The following CACNB4 variants were observed in gnomAD, a reference collection of about 807,000 sequenced individuals.
The protein encoded by CACNB4 is calcium voltage-gated channel auxiliary subunit beta 4.
A neutral mutation model predicts 71.2 loss-of-function variants in CACNB4; 32 were observed. That is an observed-to-expected ratio of 0.45 (90% CI 0.34 to 0.60). CACNB4 has a LOEUF of 0.60. CACNB4 is among the 20% of genes least tolerant of loss of function. The pLI is 0.01. For missense variants in CACNB4, 464 were observed against 647.9 expected (o/e 0.72, Z 3.08); for synonymous variants, 231 against 236.9 (o/e 0.97, Z 0.23).
intron 4 of CACNB4, among the ~76,000 whole-genome samples, chr2:151,879,145 A>C (rs554513578): frequency 7.2e-5 from 11 of 152,326 alleles, no homozygotes; most frequent in Admixed American, 3.3e-4. Context: ...ACAGACCATG[A>C]GTCATAGTTT....
intron 12 of CACNB4, among the ~76,000 whole-genome samples, chr2:151,848,950 A>T (rs1027698112): frequency 4.6e-5 from 7 of 152,170 alleles, no homozygotes; most frequent in African/African-American, 1.2e-4. Flanking sequence ...AAAAAGAAAT[A>T]AAAAAATGTA....
chr2:152,011,899 T>C (rs1304874711), intron 2 of CACNB4, among the ~76,000 whole-genome samples: 1 of 152,164 alleles, frequency 6.6e-6, no homozygotes, highest in East Asian at 1.9e-4. Flanking sequence ...TGTCCTAACT[T>C]CATAGCATGA....
At chr2:152,019,884 G>T (rs988823278) in intron 2 of CACNB4, among the ~76,000 whole-genome samples, 1 of 152,200 alleles carries the variant, frequency 6.6e-6, no homozygotes, top group South Asian at 2.1e-4. Flanking sequence ...ACTGTGCAGT[G>T]GGTATATGGG....
intron 2 of CACNB4, among the ~76,000 whole-genome samples, chr2:151,961,965 A>T (rs62175757): frequency 0.029 from 4,398 of 152,278 alleles, 66 homozygotes; most frequent in African/African-American, 0.039. Context: ...CTCAGACAAT[A>T]CAGTAATACA....
At chr2:152,009,205 G>C (rs1391757426) in intron 2 of CACNB4, among the ~76,000 whole-genome samples, 1 of 146,770 alleles carries the variant, frequency 6.8e-6, no homozygotes, top group Non-Finnish European at 1.5e-5. Context: ...AAAAAAAAAA[G>C]AAAGAAAGAA....
chr2:151,946,598 G>A (rs1022496742), intron 2 of CACNB4, among the ~76,000 whole-genome samples: 1 of 152,118 alleles, frequency 6.6e-6, no homozygotes, highest in Non-Finnish European at 1.5e-5. Context: ...TTCTGAGAAC[G>A]TGAGCCACAT....
intron 2 of CACNB4, among the ~76,000 whole-genome samples, chr2:151,921,597 A>G (rs1335431761): frequency 6.6e-6 from 1 of 152,122 alleles, no homozygotes; most frequent in Admixed American, 6.5e-5. Flanking sequence ...GGCCTTTTCC[A>G]GCTTCTAAAG....
chr2:152,010,095 C>A (rs1361383492), intron 2 of CACNB4, among the ~76,000 whole-genome samples: 1 of 152,190 alleles, frequency 6.6e-6, no homozygotes, highest in Admixed American at 6.5e-5. Flanking sequence ...CCAGATGTTG[C>A]GCTAACCTTT....
chr2:151,876,604 C>T, intron 4 of CACNB4, 48 bp from the exon 5 acceptor site: 1 of 1,185,212 alleles, frequency 8.4e-7, no homozygotes. Context: ...CACTTATCTT[C>T]ACGTTGTTTA....
intron 2 of CACNB4, among the ~76,000 whole-genome samples, chr2:152,038,706 ACTCATGG>A (rs1408614475): frequency 5.3e-5 from 8 of 152,110 alleles, no homozygotes; most frequent in African/African-American, 1.9e-4. Flanking sequence ...ATTTTCAAAG[ACTCATGG>A]CATGTGAGAT....
At chr2:151,916,889 AAC>A (rs963364895) in intron 2 of CACNB4, among the ~76,000 whole-genome samples, 1 of 152,214 alleles carries the variant, frequency 6.6e-6, no homozygotes, top group African/African-American at 2.4e-5. Flanking sequence ...AAAGGTACGA[AAC>A]ACCCTGCAAT....
intron 2 of CACNB4, among the ~76,000 whole-genome samples, chr2:151,893,080 G>A (rs2099851135): frequency 6.6e-6 from 1 of 152,136 alleles, no homozygotes; most frequent in African/African-American, 2.4e-5. Flanking sequence ...GTTTGGTACT[G>A]GCGCAGATCA....
chr2:152,003,266 A>C (rs1682529932), intron 2 of CACNB4, among the ~76,000 whole-genome samples: 1 of 151,912 alleles, frequency 6.6e-6, no homozygotes, highest in Non-Finnish European at 1.5e-5. Flanking sequence ...AATATGGTGA[A>C]ACCCTGTCTC....
chr2:151,999,995 G>A (rs2151777590), intron 2 of CACNB4, among the ~76,000 whole-genome samples: 1 of 152,276 alleles, frequency 6.6e-6, no homozygotes, highest in East Asian at 1.9e-4. Context: ...CATAAGTATT[G>A]TATCAAAGCA....
chr2:151,944,880 C>A (rs1486548250), intron 2 of CACNB4, among the ~76,000 whole-genome samples: 3 of 152,056 alleles, frequency 2.0e-5, no homozygotes, highest in Non-Finnish European at 2.9e-5. Context: ...CCCAGGAAGT[C>A]AAAAATGAGG....
At chr2:151,944,935 C>T (rs1560043229) in intron 2 of CACNB4, among the ~76,000 whole-genome samples, 1 of 152,014 alleles carries the variant, frequency 6.6e-6, no homozygotes, top group African/African-American at 2.4e-5. Context: ...CTAGATTGGG[C>T]CAATATTAAT....
intron 2 of CACNB4, among the ~76,000 whole-genome samples, chr2:152,051,610 CAAG>C (rs1353175224): frequency 1.3e-5 from 2 of 152,130 alleles, no homozygotes; most frequent in Non-Finnish European, 1.5e-5. Flanking sequence ...TGTGAAAGTA[CAAG>C]AAGAAGACAG....
chr2:152,097,912 C>T (rs981147580), intron 2 of CACNB4, among the ~76,000 whole-genome samples: 2 of 152,222 alleles, frequency 1.3e-5, no homozygotes, highest in Non-Finnish European at 2.9e-5. Flanking sequence ...TAGGACAAAA[C>T]AGAAGAAACC....
intron 2 of CACNB4, among the ~76,000 whole-genome samples, chr2:152,057,709 G>A (rs140665360): frequency 4.6e-5 from 7 of 152,154 alleles, no homozygotes; most frequent in African/African-American, 9.6e-5. Flanking sequence ...ATATGCACAC[G>A]CACAGATCTT....
Sources: gnomAD v4.1 joint callset for allele counts (sites outside exome capture counted in the v4.1 genomes callset) on GRCh38, gnomAD v4.1.1 for gene constraint, MANE v1.5 for transcripts, NCBI Gene and HGNC (gene_info 2026-07-23, HGNC 2026-07-21) for gene names.